CENPC: variants seen among roughly 807,000 people sequenced by gnomAD.
CENPC encodes the protein centromere protein C, also known as CENP-C 1.
Under a neutral mutation model 112.1 loss-of-function variants are expected in CENPC, and 63 were observed. The observed-to-expected ratio is 0.56, with a 90% CI of 0.46 to 0.69. The LOEUF (loss-of-function observed/expected upper bound fraction) is 0.69. Ranked by LOEUF, CENPC falls within the 30% of genes least tolerant of loss-of-function variation. CENPC has a pLI of 0.00. For missense variants in CENPC, 1,000 were observed against 1,103.8 expected (o/e 0.91, Z 1.33); for synonymous variants, 333 against 367.6 (o/e 0.91, Z 1.08).
chr4:67,472,637 T>A lies in CENPC; in HGVS notation c.2800A>T (p.Ser934Cys), dbSNP rs1430008531. The A allele has an allele frequency of 2.6e-6, 4 of 1,517,982 alleles. No homozygotes were observed. Among genetic ancestry groups the A allele is most frequent in the Non-Finnish European group, 3.5e-6 (4 of 1,137,286 alleles). The allele number at this position is 1,517,982 out of a possible 1,614,324, so 94.0% of individuals were successfully genotyped here. A position where few individuals can be genotyped will look rare whatever the true frequency, so the allele number is the denominator to read the frequency against. Residue 934 changes from serine (S) to cysteine (C), a missense_variant, in exon 19 of 19, where the codon AGT becomes TGT. By Grantham distance (112) the Ser-to-Cys change is moderately radical (BLOSUM62 -1). Transcript: ENST00000273853. ...TTTATCTGAGTAAAAAGAAGAACAC[T>A]TTCCTCATTCCGGAGATTTTTGATG... ...YNIKNLRNEE[S>C]VLLFTQIKR is the part of the protein sequence containing the mutation.
In CENPC at chr4:67,469,026, T is replaced by A. The variant is rs1178329635; in HGVS notation, c.*3579A>T. The A allele has an allele frequency of 6.6e-6, 1 of 152,166 alleles. No homozygotes were observed. The highest frequency in any genetic ancestry group is 2.4e-5 in the African/African-American group (1 of 41,418). 9.4% of individuals were successfully genotyped at this position (152,166 alleles called of 1,614,324 possible). A position where few individuals can be genotyped will look rare whatever the true frequency, so the allele number is the denominator to read the frequency against. On this transcript the variant is annotated 3_prime_UTR_variant, in exon 19 of 19. Transcript: ENST00000273853. Reference sequence around the variant, plus strand: ...TGTTGATTGCAGTAGTTACACAAATTCACACATATGATGAAATAGAACTAT... The same window carrying A: ...TGTTGATTGCAGTAGTTACACAAATACACACATATGATGAAATAGAACTAT...
At chr4:67,500,329 T>C (rs1725558001) in intron 12 of CENPC, among the ~76,000 whole-genome samples, 1 of 152,132 alleles carries the variant, frequency 6.6e-6, no homozygotes, top group Non-Finnish European at 1.5e-5. Context: ...GATGCCTGTA[T>C]TGTATATGGT....
intron 2 of CENPC, 68 bp from the exon 3 acceptor site, chr4:67,541,118 A>G: frequency 1.1e-6 from 1 of 921,104 alleles, no homozygotes; most frequent in Non-Finnish European, 1.7e-6. Flanking sequence ...CTCTTTGAAA[A>G]TTCCACATCT....
At chr4:67,501,832 G>A (rs115997531) in intron 12 of CENPC, among the ~76,000 whole-genome samples, 3 of 152,144 alleles carry the variant, frequency 2.0e-5, no homozygotes, top group African/African-American at 7.2e-5. Context: ...TTTATTAGAG[G>A]AGGCAGGGAG....
rs1256480429 is a variant in CENPC at position 67,470,424 on chromosome 4, T to C, written c.*2181A>G. ...CTGTCTCTACTAAAAACACAAAAACTAGCCAGGCGTGGTGGCAAGCAACTG... is the reference window on the plus strand; with the variant it reads ...CTGTCTCTACTAAAAACACAAAAACCAGCCAGGCGTGGTGGCAAGCAACTG... On this transcript the variant is annotated 3_prime_UTR_variant, in exon 19 of 19. Transcript: ENST00000273853. 5 of 151,540 alleles carry C rather than the reference T, an allele frequency of 3.3e-5. No individual in the cohort carries two copies. Among genetic ancestry groups the C allele is most frequent in the African/African-American group, 1.2e-4 (5 of 41,178 alleles). 9.4% of individuals were successfully genotyped at this position (151,540 alleles called of 1,614,324 possible). A position where few individuals can be genotyped will look rare whatever the true frequency, so the allele number is the denominator to read the frequency against.
chr4:67,534,182 G>A (rs1442723315), intron 4 of CENPC, among the ~76,000 whole-genome samples: 1 of 152,212 alleles, frequency 6.6e-6, no homozygotes, highest in East Asian at 1.9e-4. Context: ...TTGGGAGGCT[G>A]AGGCGGGTGG....
intron 5 of CENPC, among the ~76,000 whole-genome samples, chr4:67,523,829 G>A (rs562427879): frequency 8.0e-4 from 122 of 152,016 alleles, no homozygotes; most frequent in Non-Finnish European, 1.4e-3. Context: ...CTGGGATGGG[G>A]CAGGAGAGCA....
intron 9 of CENPC, 33 bp from the exon 10 acceptor site, chr4:67,509,138 A>C: frequency 6.5e-7 from 1 of 1,538,982 alleles, no homozygotes; most frequent in Non-Finnish European, 8.8e-7. Flanking sequence ...AAAGTTAGTA[A>C]GTTTGTCCAG....
At chr4:67,514,872 A>G (rs899405983) in intron 7 of CENPC, among the ~76,000 whole-genome samples, 185 bp from the exon 8 acceptor site, 2 of 151,946 alleles carry the variant, frequency 1.3e-5, no homozygotes, top group African/African-American at 4.8e-5. Flanking sequence ...ACCCTTATTT[A>G]TAATAGTAAT....
intron 10 of CENPC, among the ~76,000 whole-genome samples, chr4:67,507,808 A>G (rs1725778647): frequency 6.6e-6 from 1 of 152,202 alleles, no homozygotes; most frequent in African/African-American, 2.4e-5. Context: ...GCTACCGATC[A>G]GAACCCCTCA....
At chr4:67,531,531 T>C (rs1310586969) in intron 4 of CENPC, among the ~76,000 whole-genome samples, 2 of 152,210 alleles carry the variant, frequency 1.3e-5, no homozygotes, top group Admixed American at 6.5e-5. Context: ...AGACTGTTTG[T>C]ATAAATAAAC....
At chr4:67,535,014 G>A (rs1254657636) in intron 4 of CENPC, among the ~76,000 whole-genome samples, 1 of 151,898 alleles carries the variant, frequency 6.6e-6, no homozygotes, top group Non-Finnish European at 1.5e-5. Context: ...AGCCTGCAAA[G>A]AGGAAAAAAA....
chr4:67,524,944 A>G (rs1028768862), intron 5 of CENPC, among the ~76,000 whole-genome samples: 1 of 152,206 alleles, frequency 6.6e-6, no homozygotes, highest in African/African-American at 2.4e-5. Context: ...AGGCTACAGT[A>G]ACCAAAACAG....
At chr4:67,526,377 T>C (rs1342614756) in intron 5 of CENPC, among the ~76,000 whole-genome samples, 2 of 151,956 alleles carry the variant, frequency 1.3e-5, no homozygotes, top group Non-Finnish European at 2.9e-5. Context: ...GGTAGTGCTA[T>C]GAACAACTTT....
At chr4:67,505,039 C>T in intron 12 of CENPC, 166 bp downstream of exon 12, 1 of 570,344 alleles carries the variant, frequency 1.8e-6, no homozygotes, top group South Asian at 2.5e-5. Context: ...CATTTTCTTT[C>T]TGTCTCACTT....
Position 67,472,491 on chromosome 4 carries a change from T to C in CENPC, c.*114A>G. The C allele has an allele frequency of 1.6e-6, 2 of 1,234,166 alleles. No homozygotes were observed. The highest frequency in any genetic ancestry group is 3.2e-5 in the South Asian group (1 of 31,506). The allele number at this position is 1,234,166 out of a possible 1,614,324, so 76.5% of individuals were successfully genotyped here. ...AAATACAAGTCTACAGAAAACTGAA[T>C]AAAATTTTTATTTTAAAACATCACA... On this transcript the variant is annotated 3_prime_UTR_variant, in exon 19 of 19. Coordinates refer to ENST00000273853, the MANE Select transcript of CENPC (RefSeq NM_001812.4).
At position 67,491,509 on chromosome 4, in the gene CENPC, A is replaced by AGAGAGAGAGAGG. The variant is rs1461551921; in HGVS notation, c.2515+670_2515+671insCCTCTCTCTCTC. ...GAGAGAGAGAGAGAGAGAGAGAGAGAGAGAGAGAGAGAGAGAGAGCCTGGT... is the reference window on the plus strand; with the variant it reads ...GAGAGAGAGAGAGAGAGAGAGAGAGAGAGAGAGAGAGGGAGAGAGAGAGAGAGAGAGCCTGGT... On this transcript the variant is annotated intron_variant, in intron 16 of 18. Coordinates refer to ENST00000273853, the MANE Select transcript of CENPC (RefSeq NM_001812.4). 3.9e-4 allele frequency among the ~76,000 whole-genome samples: 54 copies of AGAGAGAGAGAGG among 137,956 alleles called. 2 individuals are homozygous for AGAGAGAGAGAGG. The highest frequency in any genetic ancestry group is 7.6e-4 in the Non-Finnish European group (48 of 63,508). The allele number at this position is 137,956 out of a possible 152,430, so 90.5% of individuals were successfully genotyped here. A position where few individuals can be genotyped will look rare whatever the true frequency, so the allele number is the denominator to read the frequency against.
intron 12 of CENPC, among the ~76,000 whole-genome samples, chr4:67,500,821 T>A (rs186302399): frequency 1.0e-3 from 154 of 152,274 alleles, no homozygotes; most frequent in African/African-American, 3.4e-3. Flanking sequence ...TGTGGTACCA[T>A]CATTAGTGGC....
chr4:67,543,036 C>T (rs1726931081), intron 2 of CENPC, among the ~76,000 whole-genome samples: 1 of 151,832 alleles, frequency 6.6e-6, no homozygotes, highest in African/African-American at 2.4e-5. Context: ...ATTACTACAA[C>T]ACCCTCCTTA....
Sources: gnomAD v4.1 joint callset for allele counts (sites outside exome capture counted in the v4.1 genomes callset) on GRCh38, gnomAD v4.1.1 for gene constraint, MANE v1.5 for transcripts, NCBI Gene and HGNC (gene_info 2026-07-23, HGNC 2026-07-21) for gene names.